The following GFOD1 variants were observed in gnomAD, a reference collection of about 807,000 sequenced individuals.
The protein encoded by GFOD1 is Gfo/Idh/MocA-like oxidoreductase domain containing 1.
Under a neutral mutation model 25.4 loss-of-function variants are expected in GFOD1, and 9 were observed. The ratio of observed to expected loss-of-function variants is 0.35; its 90% CI spans 0.21 to 0.62. GFOD1 has a LOEUF of 0.62. GFOD1 is among the 20% of genes least tolerant of loss of function. The pLI is 0.72. For synonymous variants in GFOD1, 253 were observed against 245.6 expected (o/e 1.03, Z -0.28); for missense variants, 403 against 556.9 (o/e 0.72, Z 2.78).
rs914354365 is a variant in GFOD1, at chr6:13,362,889, C to T, written c.*1854G>A. On this transcript the variant is annotated 3_prime_UTR_variant, in exon 2 of 2. Transcript: ENST00000379287. ...CATTCTCAGATTTTGCCTACACAGG[C>T]TGGAGGTGGACTCCAGTCCTCTTAG... 1.3e-5 allele frequency: 2 copies of T among 152,330 alleles called. No homozygotes were observed. The highest frequency in any genetic ancestry group is 4.8e-5 in the African/African-American group (2 of 41,576). The allele number at this position is 152,330 out of a possible 1,614,324, so 9.4% of individuals were successfully genotyped here. A position where few individuals can be genotyped will look rare whatever the true frequency, so the allele number is the denominator to read the frequency against.
intron 1 of GFOD1, among the ~76,000 whole-genome samples, chr6:13,392,924 T>C (rs1426130338): frequency 1.3e-5 from 2 of 150,284 alleles, no homozygotes; most frequent in Non-Finnish European, 3.0e-5. Context: ...TAGCCAGGCA[T>C]GGTGACATGT....
chr6:13,454,343 A>G (rs1223476342), intron 1 of GFOD1, among the ~76,000 whole-genome samples: 2 of 152,362 alleles, frequency 1.3e-5, no homozygotes, highest in African/African-American at 2.4e-5. Flanking sequence ...ACTCCCGGAA[A>G]CTAATATAAG....
chr6:13,433,394 C>T (rs1757783227), intron 1 of GFOD1, among the ~76,000 whole-genome samples: 1 of 152,230 alleles, frequency 6.6e-6, no homozygotes, highest in Non-Finnish European at 1.5e-5. Flanking sequence ...GCTGGGATTA[C>T]AGGCGTGAGC....
At chr6:13,472,456 A>G (rs577085055) in intron 1 of GFOD1, among the ~76,000 whole-genome samples, 12 of 152,306 alleles carry the variant, frequency 7.9e-5, no homozygotes, top group African/African-American at 2.6e-4. Flanking sequence ...TCTCATATTT[A>G]TTGAGTCCTC....
chr6:13,486,181 G>C (rs1383484435), intron 1 of GFOD1: 55 of 992,654 alleles, frequency 5.5e-5, no homozygotes, highest in Non-Finnish European at 6.2e-5. Flanking sequence ...CTTTTATTCA[G>C]GCGTTTCTGG....
chr6:13,480,005 C>T (rs1266911989), intron 1 of GFOD1, among the ~76,000 whole-genome samples: 1 of 152,198 alleles, frequency 6.6e-6, no homozygotes, highest in African/African-American at 2.4e-5. Flanking sequence ...CTTATTTCCG[C>T]TGGCGTGGCA....
chr6:13,373,545 G>A (rs9474042), intron 1 of GFOD1, among the ~76,000 whole-genome samples: 1,844 of 152,030 alleles, frequency 0.012, 37 homozygotes, highest in African/African-American at 0.043. Flanking sequence ...AAAAAAGGCA[G>A]GTCAAAGACA....
chr6:13,446,950 C>A (rs1758012652), intron 1 of GFOD1, among the ~76,000 whole-genome samples: 1 of 152,200 alleles, frequency 6.6e-6, no homozygotes, highest in African/African-American at 2.4e-5. Context: ...CTCTAAGTAA[C>A]AATAAGTATT....
rs1382327358 is a variant in GFOD1 at position 13,362,218 on chromosome 6, T to A, written c.*2525A>T. On this transcript the variant is annotated 3_prime_UTR_variant, in exon 2 of 2. Transcript: ENST00000379287. Reference sequence around the variant, plus strand: ...TGGCTCACGCCTGCAACCCCAGCACTTTGCAAGGCCAAGGCAGGTGGATCA... The same window carrying A: ...TGGCTCACGCCTGCAACCCCAGCACATTGCAAGGCCAAGGCAGGTGGATCA... 1.3e-5 allele frequency: 2 copies of A among 152,138 alleles called. No homozygotes were observed. The highest frequency in any genetic ancestry group is 4.8e-5 in the African/African-American group (2 of 41,410). 9.4% of individuals were successfully genotyped at this position (152,138 alleles called of 1,614,324 possible).
intron 1 of GFOD1, among the ~76,000 whole-genome samples, chr6:13,474,020 C>T (rs541509859): frequency 1.6e-4 from 25 of 152,330 alleles, no homozygotes; most frequent in African/African-American, 5.8e-4. Context: ...AAGCCCCTTC[C>T]GGGCCCCTTG....
At chr6:13,371,603 G>C (rs1340760683) in intron 1 of GFOD1, among the ~76,000 whole-genome samples, 1 of 152,240 alleles carries the variant, frequency 6.6e-6, no homozygotes, top group Non-Finnish European at 1.5e-5. Context: ...TTAACAGGCA[G>C]TGAAAAATGA....
chr6:13,453,085 A>T (rs11964734), intron 1 of GFOD1, among the ~76,000 whole-genome samples: 9,528 of 152,300 alleles, frequency 0.063, 958 homozygotes, highest in African/African-American at 0.22. Flanking sequence ...AGGTTTTATA[A>T]GCAATTGAGT....
At chr6:13,436,142 T>C (rs1318077525) in intron 1 of GFOD1, among the ~76,000 whole-genome samples, 1 of 152,242 alleles carries the variant, frequency 6.6e-6, no homozygotes, top group Non-Finnish European at 1.5e-5. Context: ...CATACTTTAC[T>C]CTTTTGTACC....
At chr6:13,408,101 G>A (rs889669776) in intron 1 of GFOD1, 7 of 985,196 alleles carry the variant, frequency 7.1e-6, no homozygotes, top group Admixed American at 6.1e-5. Flanking sequence ...GCCCGGCCAC[G>A]GTAGCATCTA....
At chr6:13,437,216 C>T (rs1299309391) in intron 1 of GFOD1, among the ~76,000 whole-genome samples, 1 of 152,128 alleles carries the variant, frequency 6.6e-6, no homozygotes, top group Non-Finnish European at 1.5e-5. Context: ...TATTGGGTTT[C>T]TGCCTCTCCC....
At chr6:13,469,881 A>T (rs766773) in intron 1 of GFOD1, 1,236,781 of 1,258,194 alleles carry the variant, frequency 0.98, 610,420 homozygotes, top group East Asian at 1. Context: ...TATGTCTCAC[A>T]CCAAATCTGG....
Position 13,359,974 on chromosome 6 carries a change from T to C in GFOD1, c.*4769A>G, listed in dbSNP as rs1231734209. ...AAAAAAAAAAAAAGGATTTCCAGAT[T>C]TCCCTGCAACTGCTCAGCGAATTGA... is the stretch of plus-strand genomic sequence containing the variant. On this transcript the variant is annotated 3_prime_UTR_variant, in exon 2 of 2. Transcript: ENST00000379287. The C allele has an allele frequency of 6.6e-6, 1 of 151,776 alleles. No individual in the cohort carries two copies. The highest frequency in any genetic ancestry group is 6.6e-5 in the Admixed American group (1 of 15,236). The allele number at this position is 151,776 out of a possible 1,614,324, so 9.4% of individuals were successfully genotyped here. A position where few individuals can be genotyped will look rare whatever the true frequency, so the allele number is the denominator to read the frequency against.
At chr6:13,418,457 AT>A (rs373989063) in intron 1 of GFOD1, among the ~76,000 whole-genome samples, 1 of 152,272 alleles carries the variant, frequency 6.6e-6, no homozygotes, top group South Asian at 2.1e-4. Flanking sequence ...AAGAAGTTTT[AT>A]TTTTTTATCT....
At chr6:13,453,129 T>C (rs1758127381) in intron 1 of GFOD1, among the ~76,000 whole-genome samples, 1 of 152,224 alleles carries the variant, frequency 6.6e-6, no homozygotes, top group Admixed American at 6.5e-5. Flanking sequence ...GAATTCAATT[T>C]TCAAAGGTTC....
Sources: gnomAD v4.1 joint callset for allele counts (sites outside exome capture counted in the v4.1 genomes callset) on GRCh38, gnomAD v4.1.1 for gene constraint, MANE v1.5 for transcripts, NCBI Gene and HGNC (gene_info 2026-07-23, HGNC 2026-07-21) for gene names.